CAPN10: variants seen among roughly 807,000 people sequenced by gnomAD.
The protein encoded by CAPN10 is calpain-10.
In CAPN10, 71 loss-of-function variants were observed where a neutral mutation model predicts 78.4. The observed-to-expected ratio is 0.91, with a 90% confidence interval of 0.75 to 1.10. CAPN10 has a LOEUF of 1.10. CAPN10 is among the 50% of genes least tolerant of loss of function. The pLI is 0.00. For synonymous variants in CAPN10, 437 were observed against 407.2 expected, an observed-to-expected ratio of 1.07 and a Z score of -0.88; for missense variants, 849 against 924.6, an observed-to-expected ratio of 0.92 and a Z score of 1.06.
rs1363890441 is a variant in CAPN10 at position 240,594,430 on chromosome 2, C to T, written c.831-113C>T. ...GCTGCAGAGCTGGGGCACGGGGTTG[C>T]TGGCAGGAACTCAGGGCTCTCTGGG... is the stretch of plus-strand genomic sequence containing the variant. On this transcript the variant is annotated intron_variant, in intron 5 of 11. Transcript: ENST00000391984. The T allele has an allele frequency of 4.5e-6, 5 of 1,108,104 alleles. No homozygotes were observed. In the Admixed American group the frequency reaches 1.1e-4, roughly 24 times the overall value. 68.6% of individuals were successfully genotyped at this position (1,108,104 alleles called of 1,614,324 possible). A position where few individuals can be genotyped will look rare whatever the true frequency, so the allele number is the denominator to read the frequency against.
intron 7 of CAPN10, chr2:240,595,976 A>T: frequency 7.2e-7 from 1 of 1,381,492 alleles, no homozygotes; most frequent in Non-Finnish European, 9.6e-7. Flanking sequence ...CCCTTCATGG[A>T]TGTGGCCCAC....
chr2:240,590,562 T>C (rs979803992), intron 2 of CAPN10: 1 of 469,892 alleles, frequency 2.1e-6, no homozygotes, highest in Admixed American at 3.6e-5. Context: ...CATCCAGGTG[T>C]GCCGAAGAGT....
intron 4 of CAPN10, chr2:240,592,670 C>G (rs2093109927): frequency 2.7e-6 from 1 of 363,834 alleles, no homozygotes; most frequent in Non-Finnish European, 5.6e-6. Context: ...AAAAAAATCA[C>G]TTAGATGGAA....
At position 240,587,026 on chromosome 2, in the gene CAPN10, G is replaced by A; in HGVS notation, c.115G>A (p.Glu39Lys). 1 of 1,458,216 alleles carries A rather than the reference G, an allele frequency of 6.9e-7. No individual in the cohort carries two copies. The highest frequency in any genetic ancestry group is 9.1e-7 in the Non-Finnish European group (1 of 1,101,086). The allele number at this position is 1,458,216 out of a possible 1,614,324, so 90.3% of individuals were successfully genotyped here. A position where few individuals can be genotyped will look rare whatever the true frequency, so the allele number is the denominator to read the frequency against. The change falls in exon 1 of 12, where the codon GAG becomes AAG. Residue 39 changes from glutamate (E) to lysine (K), a missense_variant. By Grantham distance (56) the Glu-to-Lys change is moderately conservative. Transcript: ENST00000391984. ...DLSTPLAQFR[E>K]DITWRRPQEI... ...GTCTACGCCGCTGGCCCAGTTCCGC[G>A]AGGACATCACGTGGAGGCGGCCCCA...
Position 240,591,945 on chromosome 2 carries a change from C to T in CAPN10, c.483C>T (p.Ser161=), listed in dbSNP as rs751422810. The T allele has an allele frequency of 6.2e-7, 1 of 1,613,174 alleles. No homozygotes were observed. Among genetic ancestry groups the T allele is most frequent in the Non-Finnish European group, 8.5e-7 (1 of 1,179,880 alleles). The change falls in exon 4 of 12, where the codon TCC becomes TCT. Residue 161 remains serine, a synonymous_variant. Coordinates refer to ENST00000391984, the MANE Select transcript of CAPN10 (RefSeq NM_023083.4). ...LEKVYAKVHG[S]YEHLWAGQVA... ...TTGTGTCCCCTAGGGTCCATGGGTC[C>T]TACGAGCACCTGTGGGCCGGGCAGG...
At chr2:240,592,238 G>A (rs2093107210) in intron 4 of CAPN10, 88 bp downstream of exon 4, 1 of 1,136,252 alleles carries the variant, frequency 8.8e-7, no homozygotes, top group Non-Finnish European at 1.3e-6. Context: ...TTATGTGACT[G>A]GCTACACAGC....
intron 7 of CAPN10, chr2:240,596,012 G>A: frequency 6.9e-7 from 1 of 1,458,776 alleles, no homozygotes; most frequent in Middle Eastern, 1.8e-4. Context: ...TCTTGCAAAA[G>A]AAGTTGCTGG....
rs774796244 is a variant in CAPN10 at position 240,596,955 on chromosome 2, C to T, written c.1743+13C>T. 12 of 1,613,352 alleles carry T rather than the reference C, an allele frequency of 7.4e-6. No homozygotes were observed. The highest frequency in any genetic ancestry group is 9.3e-6 in the Non-Finnish European group (11 of 1,180,006). Reference sequence around the variant, plus strand: ...CCATATCTTCCAGGCAAGCTCCTTGCCCCAGGGAGGGAGGGGGAGCAGAAG... The same window carrying T: ...CCATATCTTCCAGGCAAGCTCCTTGTCCCAGGGAGGGAGGGGGAGCAGAAG... On this transcript the variant is annotated intron_variant, in intron 9 of 11. Transcript: ENST00000391984.
intron 7 of CAPN10, 173 bp downstream of exon 7, chr2:240,595,477 A>T: frequency 1.5e-6 from 1 of 683,738 alleles, no homozygotes; most frequent in Non-Finnish European, 2.4e-6. Flanking sequence ...GTGCTCCCAG[A>T]CCCGGCTCTG....
At chr2:240,597,855 G>A (rs2093146948) in intron 9 of CAPN10, 33 bp from the exon 10 acceptor site, 1 of 1,549,722 alleles carries the variant, frequency 6.5e-7, no homozygotes, top group Non-Finnish European at 8.7e-7. Context: ...CCCCAAGGCT[G>A]GCCCCCTCAG....
At chr2:240,591,589 C>T in intron 3 of CAPN10, 1 of 358,182 alleles carries the variant, frequency 2.8e-6, no homozygotes. Flanking sequence ...CCCTTCCATC[C>T]CAAGGGCTGT....
At chr2:240,596,283 G>C in intron 7 of CAPN10, 36 bp from the exon 8 acceptor site, 1 of 1,568,808 alleles carries the variant, frequency 6.4e-7, no homozygotes, top group Non-Finnish European at 8.7e-7. Context: ...GACCCCGGCC[G>C]CTCCTCCACA....
chr2:240,595,608 G>A (rs559667136), intron 7 of CAPN10, among the ~76,000 whole-genome samples: 48 of 152,358 alleles, frequency 3.2e-4, no homozygotes, highest in Non-Finnish European at 6.0e-4. Context: ...TCCTGGCAGC[G>A]CCGTGCCTTT....
chr2:240,590,532 C>T, intron 2 of CAPN10: 1 of 370,932 alleles, frequency 2.7e-6, no homozygotes, highest in South Asian at 4.1e-5. Context: ...GTGGGTGATG[C>T]AGCCCTGTGC....
At chr2:240,592,376 A>G (rs924898815) in intron 4 of CAPN10, 1 of 692,678 alleles carries the variant, frequency 1.4e-6, no homozygotes, top group Non-Finnish European at 2.7e-6. Flanking sequence ...CCTTTCCACT[A>G]GTGCGAGGCA....
intron 4 of CAPN10, chr2:240,592,647 CA>C: frequency 2.7e-6 from 1 of 366,348 alleles, no homozygotes; most frequent in South Asian, 2.1e-5. Context: ...CTCATCTCTA[CA>C]AAAAATGAAG....
Position 240,587,007 on chromosome 2 carries a change from G to A in CAPN10, c.96G>A (p.Thr32=). Residue 32 remains threonine, a synonymous_variant, in exon 1 of 12, where the codon ACG becomes ACA. Coordinates refer to ENST00000391984, the MANE Select transcript of CAPN10 (RefSeq NM_023083.4). ...CCTCGCTCTTCTGCGACTTGTCTAC[G>A]CCGCTGGCCCAGTTCCGCGAGGACA... is the stretch of plus-strand genomic sequence containing the variant. ...ADSSLFCDLS[T]PLAQFREDIT... 6.7e-7 allele frequency: 1 copy of A among 1,481,648 alleles called. No individual in the cohort carries two copies. Among genetic ancestry groups the A allele is most frequent in the East Asian group, 3.0e-5 (1 of 33,568 alleles). The allele number at this position is 1,481,648 out of a possible 1,614,324, so 91.8% of individuals were successfully genotyped here.
rs748756061 is a variant in CAPN10 at position 240,596,328 on chromosome 2, C to T, written c.1288C>T (p.Arg430Trp). 22 of 1,598,900 alleles carry T rather than the reference C, an allele frequency of 1.4e-5. No individual in the cohort carries two copies. The highest frequency in any genetic ancestry group is 6.7e-5 in the African/African-American group (5 of 74,696). Residue 430 changes from arginine (R) to tryptophan (W), a missense_variant, in exon 8 of 12, where the codon CGG becomes TGG. Coordinates refer to ENST00000391984, the MANE Select transcript of CAPN10 (RefSeq NM_023083.4). ...VGLHLWKVEK[R>W]RVNLPRVLSM... The stretch of plus-strand genomic sequence containing the variant: ...CTGCACGTGCTCACAGGTAGAGAAG[C>T]GGCGGGTCAATCTGCCTAGGGTCCT...
intron 8 of CAPN10, 67 bp from the exon 9 acceptor site, chr2:240,596,614 T>A: frequency 6.5e-7 from 1 of 1,533,354 alleles, no homozygotes; most frequent in Non-Finnish European, 8.8e-7. Context: ...TTGGCAGGTG[T>A]CCATGTGGGA....
Sources: gnomAD v4.1 joint callset for allele counts (sites outside exome capture counted in the v4.1 genomes callset) on GRCh38, gnomAD v4.1.1 for gene constraint, MANE v1.5 for transcripts, NCBI Gene and HGNC (gene_info 2026-07-23, HGNC 2026-07-21) for gene names.